DTD1: variants seen among roughly 807,000 people sequenced by gnomAD.
DTD1 encodes the protein D-aminoacyl-tRNA deacylase 1, also known as D-tyrosyl-tRNA deacylase 1 homolog.
A neutral mutation model predicts 25.6 loss-of-function variants in DTD1; 13 were observed. The ratio of observed to expected loss-of-function variants is 0.51; its 90% confidence interval spans 0.33 to 0.81. DTD1 has a LOEUF of 0.81. Ranked by LOEUF, DTD1 falls within the 30% of genes least tolerant of loss-of-function variation. The probability of loss-of-function intolerance (pLI) is 0.02; values close to 1 mark genes in which losing one functional copy is unlikely to be tolerated. For synonymous variants in DTD1, 110 were observed against 103.6 expected (o/e 1.06, Z -0.37); for missense variants, 193 against 266.4 (o/e 0.72, Z 1.92).
chr20:18,699,490 A>G (rs1212770341), intron 4 of DTD1, among the ~76,000 whole-genome samples: 1 of 152,192 alleles, frequency 6.6e-6, no homozygotes, highest in Non-Finnish European at 1.5e-5. Context: ...CAGGACAGTC[A>G]TGGGGAGGTC....
At chr20:18,614,460 A>G (rs996529542) in intron 3 of DTD1, among the ~76,000 whole-genome samples, 2 of 152,206 alleles carry the variant, frequency 1.3e-5, no homozygotes, top group Non-Finnish European at 2.9e-5. Flanking sequence ...GTTCACGGCC[A>G]GGTCCCCAGT....
intron 4 of DTD1, among the ~76,000 whole-genome samples, chr20:18,680,250 T>C (rs2060991361): frequency 6.6e-6 from 1 of 152,116 alleles, no homozygotes; most frequent in Non-Finnish European, 1.5e-5. Flanking sequence ...AGTGGCACAA[T>C]CATGGGTCAC....
intron 4 of DTD1, among the ~76,000 whole-genome samples, chr20:18,719,267 GTGTT>G (rs925666333): frequency 2.6e-5 from 4 of 151,942 alleles, no homozygotes; most frequent in Admixed American, 2.6e-4. Flanking sequence ...GTGTGTGTGT[GTGTT>G]TGTGTATCTT....
At chr20:18,694,895 C>T (rs1358188881) in intron 4 of DTD1, among the ~76,000 whole-genome samples, 1 of 152,044 alleles carries the variant, frequency 6.6e-6, no homozygotes, top group Non-Finnish European at 1.5e-5. Flanking sequence ...GACTGCAGTA[C>T]CCCCAAGAGT....
intron 3 of DTD1, among the ~76,000 whole-genome samples, chr20:18,614,723 G>A (rs2060701992): frequency 6.6e-6 from 1 of 152,096 alleles, no homozygotes; most frequent in Admixed American, 6.6e-5. Context: ...TATCAGGAAG[G>A]GTTTTTTGTG....
At chr20:18,743,925 G>A (rs945481716) in intron 4 of DTD1, among the ~76,000 whole-genome samples, 175 bp from the exon 5 acceptor site, 4 of 152,120 alleles carry the variant, frequency 2.6e-5, no homozygotes, top group African/African-American at 9.7e-5. Context: ...AGTGATTCAG[G>A]TGCCTGTTGG....
chr20:18,613,910 T>C (rs2060698648), intron 3 of DTD1, among the ~76,000 whole-genome samples: 1 of 152,190 alleles, frequency 6.6e-6, no homozygotes, highest in Non-Finnish European at 1.5e-5. Context: ...GAATATTGAC[T>C]GGCCACTAGG....
chr20:18,616,669 T>C (rs2060710121), intron 3 of DTD1, among the ~76,000 whole-genome samples: 1 of 152,048 alleles, frequency 6.6e-6, no homozygotes, highest in Non-Finnish European at 1.5e-5. Flanking sequence ...TAGCTGAGTG[T>C]GATGGTGCAC....
intron 4 of DTD1, among the ~76,000 whole-genome samples, chr20:18,702,109 T>C (rs986414935): frequency 1.3e-5 from 2 of 152,182 alleles, no homozygotes; most frequent in African/African-American, 4.8e-5. Flanking sequence ...AGACAAAGCG[T>C]CTATTTGTAC....
chr20:18,651,696 G>T (rs575641075), intron 4 of DTD1, among the ~76,000 whole-genome samples: 1 of 152,186 alleles, frequency 6.6e-6, no homozygotes, highest in African/African-American at 2.4e-5. Context: ...TTTTTCTGGA[G>T]AGTGGTCTGA....
intron 4 of DTD1, among the ~76,000 whole-genome samples, chr20:18,659,845 A>G (rs1404616353): frequency 6.6e-6 from 1 of 152,178 alleles, no homozygotes; most frequent in African/African-American, 2.4e-5. Context: ...AGGTACAGCA[A>G]ACCACCATAG....
intron 4 of DTD1, among the ~76,000 whole-genome samples, chr20:18,687,897 T>C (rs753116247): frequency 9.9e-5 from 15 of 152,148 alleles, no homozygotes; most frequent in African/African-American, 3.4e-4. Flanking sequence ...TTTTGTAGAA[T>C]TGGAGAAAAT....
chr20:18,668,667 T>G (rs1049824571), intron 4 of DTD1, among the ~76,000 whole-genome samples: 7 of 152,188 alleles, frequency 4.6e-5, no homozygotes, highest in Non-Finnish European at 1.0e-4. Flanking sequence ...AGGTGTTTTC[T>G]TCTGCATCTG....
At chr20:18,643,740 C>G (rs183181498) in intron 4 of DTD1, 31 of 152,340 alleles carry the variant, frequency 2.0e-4, no homozygotes, top group Admixed American at 5.9e-4. Context: ...TTTCCTCAGT[C>G]TTTCCTTGAT....
chr20:18,588,670 AG>A (rs888297436), intron 1 of DTD1: 5 of 948,780 alleles, frequency 5.3e-6, no homozygotes, highest in Admixed American at 6.2e-5. Flanking sequence ...AGGCTGGATG[AG>A]GGGCGCCCCC....
In DTD1 at chr20:18,596,261, C is replaced by G. The variant is rs1452865384; in HGVS notation, c.370+20C>G. ...TCAAAGGTAAGCAGGAGAGCCACAT[C>G]CAGGAACGGGTCTTTGGGACACTCC... On this transcript the variant is annotated intron_variant, in intron 3 of 5. Transcript: ENST00000377452. 4 of 1,603,704 alleles carry G rather than the reference C, an allele frequency of 2.5e-6. No individual in the cohort carries two copies. Among genetic ancestry groups the G allele is most frequent in the Non-Finnish European group, 3.4e-6 (4 of 1,171,736 alleles).
chr20:18,601,130 G>C (rs189788920), intron 3 of DTD1, among the ~76,000 whole-genome samples: 10 of 149,626 alleles, frequency 6.7e-5, no homozygotes, highest in African/African-American at 2.4e-4. Flanking sequence ...GCTCTTAGTG[G>C]GAAAGCTTCT....
At chr20:18,751,465 C>G (rs2061321061) in intron 5 of DTD1, among the ~76,000 whole-genome samples, 1 of 151,988 alleles carries the variant, frequency 6.6e-6, no homozygotes, top group South Asian at 2.1e-4. Flanking sequence ...TCACCTAATA[C>G]ATTGTCACTA....
At chr20:18,599,230 A>C (rs1043205066) in intron 3 of DTD1, among the ~76,000 whole-genome samples, 1 of 152,092 alleles carries the variant, frequency 6.6e-6, no homozygotes, top group African/African-American at 2.4e-5. Context: ...GCTGGAGTGC[A>C]GTGGTGTGAT....
Sources: allele counts gnomAD v4.1 joint callset (sites outside exome capture counted in the v4.1 genomes callset), GRCh38; gene constraint gnomAD v4.1.1; transcripts MANE v1.5; gene names NCBI Gene and HGNC (gene_info 2026-07-23, HGNC 2026-07-21).